RBFOX1: variants seen among roughly 807,000 people sequenced by gnomAD.
RBFOX1 encodes the protein RNA binding fox-1 homolog 1, also known as RNA binding protein fox-1 homolog 1.
RBFOX1 carries 8 observed loss-of-function variants against 57.7 expected under a neutral mutation model. That is an observed-to-expected ratio of 0.14 (90% CI 0.08 to 0.25). The LOEUF (loss-of-function observed/expected upper bound fraction) is 0.25. Among genes scored for constraint, RBFOX1 ranks in the 10% least tolerant of loss-of-function variants. RBFOX1 has a pLI of 1.00. For missense variants in RBFOX1, 611 were observed against 548.5 expected, an observed-to-expected ratio of 1.11 and a Z score of -1.14; for synonymous variants, 326 against 222.4, an observed-to-expected ratio of 1.47 and a Z score of -4.15.
At chr16:6,525,206 C>T (rs1567554671) in intron 2 of RBFOX1, among the ~76,000 whole-genome samples, 1 of 152,162 alleles carries the variant, frequency 6.6e-6, no homozygotes, top group South Asian at 2.1e-4. Flanking sequence ...AAGATAAGAA[C>T]AATTCTAGCT....
chr16:6,960,867 C>T (rs969687534), intron 3 of RBFOX1, among the ~76,000 whole-genome samples: 3 of 151,440 alleles, frequency 2.0e-5, no homozygotes, highest in Non-Finnish European at 4.4e-5. Flanking sequence ...GGTGCAGTGG[C>T]TCACATCTGT....
chr16:7,035,418 G>A lies in RBFOX1; in HGVS notation c.-15-16639G>A, dbSNP rs546671008. On this transcript the variant is annotated intron_variant, in intron 3 of 15. Transcript: ENST00000550418. ...TAAATTAAATAAAATGCACCCTATC[G>A]AATGCACTGCACACAAAAAGAATAT... Among the ~76,000 whole-genome samples, 112 of 152,176 alleles carry A rather than the reference G, an allele frequency of 7.4e-4. 2 individuals carry two copies. Among genetic ancestry groups the A allele is most frequent in the African/African-American group, 2.6e-3 (107 of 41,498 alleles).
rs1491107763 is a variant in RBFOX1, at chr16:7,570,177, TTA to T, written c.271-9599_271-9598del. 7.7e-4 allele frequency among the ~76,000 whole-genome samples: 114 copies of T among 147,514 alleles called. 1 individual carries two copies. The Middle Eastern group carries it at 0.018, about 23-fold the overall frequency. On this transcript the variant is annotated intron_variant, in intron 5 of 15. Coordinates refer to ENST00000550418, the MANE Select transcript of RBFOX1 (RefSeq NM_018723.4). ...TTAAAATTTTACTTTTTTTTTTTTT[TTA>T]AAAAGTGACTTCTAAGAATTCTAAA... is the stretch of plus-strand genomic sequence containing the variant.
At chr16:6,177,948 A>G (rs1436656980) in intron 1 of RBFOX1, among the ~76,000 whole-genome samples, 2 of 148,742 alleles carry the variant, frequency 1.3e-5, no homozygotes, top group Admixed American at 1.3e-4. Context: ...GAGCCTTTTC[A>G]CATTTATCCT....
chr16:5,554,204 C>T (rs2045581392), intron 2 of RBFOX1, among the ~76,000 whole-genome samples: 3 of 152,026 alleles, frequency 2.0e-5, no homozygotes, highest in Non-Finnish European at 4.4e-5. Context: ...CTCCTGACCT[C>T]AAGTGATCTG....
intron 4 of RBFOX1, among the ~76,000 whole-genome samples, chr16:7,186,388 T>A: frequency 6.9e-5 from 4 of 57,752 alleles, no homozygotes; most frequent in East Asian, 4.8e-4. Flanking sequence ...ATAAACATAT[T>A]TATATAAATA....
chr16:5,816,024 C>T (rs2055621478), intron 3 of RBFOX1, among the ~76,000 whole-genome samples: 2 of 152,280 alleles, frequency 1.3e-5, no homozygotes, highest in African/African-American at 4.8e-5. Flanking sequence ...GAGAGGGGCC[C>T]AGTAAAAGGA....
chr16:5,421,566 C>T (rs1035051570), intron 1 of RBFOX1, among the ~76,000 whole-genome samples: 20 of 152,152 alleles, frequency 1.3e-4, no homozygotes, highest in African/African-American at 4.1e-4. Context: ...CAGGGGGACT[C>T]GAGTGAGGCT....
chr16:6,147,123 G>T (rs573781796), intron 1 of RBFOX1, among the ~76,000 whole-genome samples: 14 of 152,266 alleles, frequency 9.2e-5, no homozygotes, highest in African/African-American at 3.1e-4. Flanking sequence ...GAGAGCCAGA[G>T]AAATACTTTG....
intron 3 of RBFOX1, among the ~76,000 whole-genome samples, chr16:5,724,610 C>T (rs1445714482): frequency 6.6e-6 from 1 of 152,136 alleles, no homozygotes; most frequent in Non-Finnish European, 1.5e-5. Context: ...GAGCCTAATG[C>T]ATTCTGGAGT....
chr16:7,396,536 C>T (rs1002653633), intron 4 of RBFOX1, among the ~76,000 whole-genome samples: 1 of 152,176 alleles, frequency 6.6e-6, no homozygotes, highest in East Asian at 1.9e-4. Flanking sequence ...TAGCTTAATA[C>T]TCTGCGGACC....
intron 1 of RBFOX1, among the ~76,000 whole-genome samples, chr16:5,345,126 C>T (rs2065112994): frequency 1.3e-5 from 2 of 152,094 alleles, no homozygotes; most frequent in African/African-American, 4.8e-5. Context: ...CAGGGGGCTG[C>T]CTCGACCCTC....
rs2057048237 is a variant in RBFOX1 at position 5,856,242 on chromosome 16, T to TATATATAC, written c.319-11054_319-11053insCATATATA. On this transcript the variant is annotated intron_variant, in intron 3 of 19. Transcript: ENST00000641259. ...GTATATATATATGTATATATATGTG[T>TATATATAC]ATATATATGTATATATATGTATATA... Among the ~76,000 whole-genome samples, 2 of 38,584 alleles carry TATATATAC rather than the reference T, an allele frequency of 5.2e-5. 1 individual carries two copies. Among genetic ancestry groups the TATATATAC allele is most frequent in the Non-Finnish European group, 1.1e-4 (2 of 19,016 alleles). The allele number at this position is 38,584 out of a possible 152,430, so 25.3% of individuals were successfully genotyped here.
At chr16:6,988,973 G>C (rs2090930371) in intron 3 of RBFOX1, among the ~76,000 whole-genome samples, 1 of 151,998 alleles carries the variant, frequency 6.6e-6, no homozygotes, top group South Asian at 2.1e-4. Flanking sequence ...ATGTTGGCTA[G>C]GCTGCTCTTG....
rs1404688274 is a variant in RBFOX1, at chr16:6,654,647, A to G, written c.-19A>G. 2.0e-6 allele frequency: 3 copies of G among 1,509,170 alleles called. No homozygotes were observed. In the South Asian group the frequency reaches 3.8e-5, roughly 19 times the overall value. The allele number at this position is 1,509,170 out of a possible 1,614,324, so 93.5% of individuals were successfully genotyped here. ...ATACCTGCGTGGAAATAGAAGACAG[A>G]AAGGTGAGTCAATATTTTTCATTTT... is the stretch of plus-strand genomic sequence containing the variant. On this transcript the variant is annotated 5_prime_UTR_variant, in exon 3 of 16. Coordinates refer to ENST00000550418, the MANE Select transcript of RBFOX1 (RefSeq NM_018723.4).
intron 1 of RBFOX1, among the ~76,000 whole-genome samples, chr16:6,116,636 T>C (rs2096498273): frequency 6.6e-6 from 1 of 152,206 alleles, no homozygotes; most frequent in South Asian, 2.1e-4. Context: ...CTAGCTTGTA[T>C]AAATGCTAGA....
intron 1 of RBFOX1, among the ~76,000 whole-genome samples, chr16:5,444,567 A>C (rs544890002): frequency 4.6e-5 from 7 of 152,098 alleles, no homozygotes; most frequent in Non-Finnish European, 1.0e-4. Flanking sequence ...CGGGGAGGAG[A>C]ATGGTACCTT....
At chr16:7,440,683 C>T (rs924698470) in intron 4 of RBFOX1, among the ~76,000 whole-genome samples, 2 of 152,144 alleles carry the variant, frequency 1.3e-5, no homozygotes, top group African/African-American at 4.8e-5. Flanking sequence ...ATGAGTAACA[C>T]AGTACTGATA....
In RBFOX1 at chr16:7,706,517, C is replaced by G. The variant is rs1252516979; in HGVS notation, c.996-2539C>G. Among the ~76,000 whole-genome samples the G allele has an allele frequency of 1.4e-4, 22 of 152,142 alleles. 1 individual carries two copies. The highest frequency in any genetic ancestry group is 1.4e-3 in the Admixed American group (22 of 15,274). On this transcript the variant is annotated intron_variant, in intron 14 of 15. Transcript: ENST00000550418. ...GCTTTTATTAAATACATTCAAATTG[C>G]CCATATAGTGTCTCCCCAGAAGAGG...
Sources: allele counts gnomAD v4.1 joint callset (sites outside exome capture counted in the v4.1 genomes callset), GRCh38; gene constraint gnomAD v4.1.1; transcripts MANE v1.5; gene names NCBI Gene and HGNC (gene_info 2026-07-23, HGNC 2026-07-21).